DLGAP1: variants seen among roughly 807,000 people sequenced by gnomAD.
The protein encoded by DLGAP1 is DLG associated protein 1.
A neutral mutation model predicts 90.8 loss-of-function variants in DLGAP1; 11 were observed. That is an observed-to-expected ratio of 0.12 (90% CI 0.08 to 0.20). The LOEUF (loss-of-function observed/expected upper bound fraction) is 0.20. Among genes scored for constraint, DLGAP1 ranks in the 10% least tolerant of loss-of-function variants. The probability of loss-of-function intolerance (pLI) is 1.00; values close to 1 mark genes in which losing one functional copy is unlikely to be tolerated. For synonymous variants in DLGAP1, 558 were observed against 540.7 expected, an observed-to-expected ratio of 1.03 and a Z score of -0.44; for missense variants, 1,050 against 1,333.8, an observed-to-expected ratio of 0.79 and a Z score of 3.31.
At chr18:4,045,199 A>AC (rs1419613257) in intron 2 of DLGAP1, among the ~76,000 whole-genome samples, 2 of 151,592 alleles carry the variant, frequency 1.3e-5, no homozygotes, top group African/African-American at 2.4e-5. Context: ...CTCGACTTTC[A>AC]CCTTTCTTGC....
At chr18:4,214,672 A>G (rs2144915699) in intron 1 of DLGAP1, among the ~76,000 whole-genome samples, 1 of 152,330 alleles carries the variant, frequency 6.6e-6, no homozygotes, top group Middle Eastern at 3.4e-3. Context: ...CCTCCTTAAC[A>G]TAATTGCAAA....
chr18:3,721,650 T>C (rs892174217), intron 7 of DLGAP1: 5 of 152,170 alleles, frequency 3.3e-5, no homozygotes, highest in Non-Finnish European at 7.4e-5. Context: ...ATTTCAAATA[T>C]GGCAGGAAGC....
At chr18:4,008,606 C>A (rs1256280190) in intron 2 of DLGAP1, among the ~76,000 whole-genome samples, 1 of 152,106 alleles carries the variant, frequency 6.6e-6, no homozygotes, top group East Asian at 1.9e-4. Flanking sequence ...TCATGCCTAG[C>A]AATTTTGAAC....
chr18:3,751,782 C>G (rs181253135), intron 5 of DLGAP1, among the ~76,000 whole-genome samples: 1 of 151,834 alleles, frequency 6.6e-6, no homozygotes, highest in Non-Finnish European at 1.5e-5. Flanking sequence ...CCAGGCTGGT[C>G]TCAAACTCCT....
intron 5 of DLGAP1, among the ~76,000 whole-genome samples, chr18:3,773,602 C>A (rs535219681): frequency 6.6e-6 from 1 of 152,122 alleles, no homozygotes; most frequent in Admixed American, 6.5e-5. Flanking sequence ...AAAACAAGAA[C>A]TGGCAGAGCA....
chr18:4,327,113 T>C (rs906878110), intron 1 of DLGAP1, among the ~76,000 whole-genome samples: 11 of 151,958 alleles, frequency 7.2e-5, no homozygotes, highest in African/African-American at 2.7e-4. Flanking sequence ...AATTTTCGAT[T>C]AGACATAGAA....
rs535132759 is a variant in DLGAP1 at position 4,033,595 on chromosome 18, A to G, written c.-158-28394T>C. Among the ~76,000 whole-genome samples the G allele has an allele frequency of 2.8e-4, 43 of 152,362 alleles. No individual in the cohort carries two copies. The South Asian group carries it at 6.2e-3, about 22-fold the overall frequency. On this transcript the variant is annotated intron_variant, in intron 2 of 12. Coordinates refer to ENST00000315677, the MANE Select transcript of DLGAP1 (RefSeq NM_004746.4). The stretch of plus-strand genomic sequence containing the variant: ...GGCTCACCACATTTACATTCCTGCC[A>G]GCAATGTAGAGCATATGCATTTTCT...
rs1179563485 is a variant in DLGAP1 at position 3,741,327 on chromosome 18, CCAT to C, written c.1350+1005_1350+1007del. Among the ~76,000 whole-genome samples, 618 of 136,340 alleles carry C rather than the reference CCAT, an allele frequency of 4.5e-3. 14 individuals carry two copies. The highest frequency in any genetic ancestry group is 0.018 in the African/African-American group (571 of 31,668). 89.4% of individuals were successfully genotyped at this position (136,340 alleles called of 152,430 possible). A position where few individuals can be genotyped will look rare whatever the true frequency, so the allele number is the denominator to read the frequency against. On this transcript the variant is annotated intron_variant, in intron 6 of 12. Coordinates refer to ENST00000315677, the MANE Select transcript of DLGAP1 (RefSeq NM_004746.4). ...CATCACATCACCACCACCACCACCA[CCAT>C]CACCACCACCACCACCACCACCACC...
intron 1 of DLGAP1, among the ~76,000 whole-genome samples, chr18:4,237,769 G>A (rs150009661): frequency 4.6e-5 from 7 of 151,798 alleles, no homozygotes; most frequent in Middle Eastern, 3.4e-3. Flanking sequence ...CAGTGACAGC[G>A]GGAATTATTG....
chr18:3,950,931 C>T (rs1039645965), intron 3 of DLGAP1, among the ~76,000 whole-genome samples: 4 of 152,160 alleles, frequency 2.6e-5, no homozygotes, highest in African/African-American at 9.7e-5. Context: ...TATCTATGGT[C>T]AAGGAATGAC....
intron 5 of DLGAP1, among the ~76,000 whole-genome samples, chr18:3,783,290 T>C (rs1410474336): frequency 6.6e-6 from 1 of 152,192 alleles, no homozygotes; most frequent in Non-Finnish European, 1.5e-5. Flanking sequence ...CCAGCAATTC[T>C]GCTCCTAGCT....
intron 4 of DLGAP1, among the ~76,000 whole-genome samples, chr18:3,852,772 T>C (rs959852252): frequency 6.6e-6 from 1 of 152,210 alleles, no homozygotes; most frequent in Non-Finnish European, 1.5e-5. Context: ...TTTTATCCTT[T>C]AATCTTTAAG....
At chr18:3,502,272 C>T (rs2049979524) in intron 12 of DLGAP1, 1 of 1,332,638 alleles carries the variant, frequency 7.5e-7, no homozygotes, top group Non-Finnish European at 9.6e-7. Context: ...TCCCATTTTC[C>T]AATTCACAAA....
chr18:4,152,055 G>A (rs2076683309), intron 1 of DLGAP1, among the ~76,000 whole-genome samples: 1 of 152,148 alleles, frequency 6.6e-6, no homozygotes, highest in Non-Finnish European at 1.5e-5. Flanking sequence ...TATGAAGGAG[G>A]TAACTATTCC....
intron 2 of DLGAP1, among the ~76,000 whole-genome samples, chr18:4,122,661 C>T (rs2076171406): frequency 6.6e-6 from 1 of 152,116 alleles, no homozygotes. Context: ...TGGTAAGAGA[C>T]CATCCAGAGA....
chr18:3,656,643 C>T (rs961205713), intron 7 of DLGAP1, among the ~76,000 whole-genome samples: 7 of 152,132 alleles, frequency 4.6e-5, no homozygotes, highest in South Asian at 2.1e-4. Flanking sequence ...TCAGCTCCCT[C>T]AAGTCAGAGA....
At chr18:3,915,906 T>C (rs903852306) in intron 3 of DLGAP1, among the ~76,000 whole-genome samples, 1 of 152,164 alleles carries the variant, frequency 6.6e-6, no homozygotes, top group Non-Finnish European at 1.5e-5. Flanking sequence ...TAGATGGTAG[T>C]TCTATTTTTA....
Position 3,879,651 on chromosome 18 carries a change from G to T in DLGAP1, c.418C>A (p.His140Asn). 6.2e-7 allele frequency: 1 copy of T among 1,605,750 alleles called. No individual in the cohort carries two copies. ...AGCTTCTGGACCGAGTGCACCAGGT[G>T]GCGGATGCGGCCGGGGCTGTCGCTG... ...HRSDSPGRIR[H>N]LVHSVQKLFT... Residue 140 changes from histidine (H) to asparagine (N), a missense_variant, in exon 4 of 13, where the codon CAC becomes AAC. Coordinates refer to ENST00000315677, the MANE Select transcript of DLGAP1 (RefSeq NM_004746.4). This position sits in a 1 kb window ranked among gnomAD's most constrained non-coding sequence, Gnocchi z 6.6.
chr18:4,163,123 A>G (rs546392908), intron 1 of DLGAP1, among the ~76,000 whole-genome samples: 1 of 152,248 alleles, frequency 6.6e-6, no homozygotes, highest in South Asian at 2.1e-4. Flanking sequence ...CCCAAGATAT[A>G]GTTTAATGTT....
Sources: gnomAD v4.1 joint callset for allele counts (sites outside exome capture counted in the v4.1 genomes callset) on GRCh38, gnomAD v4.1.1 for gene constraint, Gnocchi (gnomAD v3.1) non-coding constraint, MANE v1.5 for transcripts, NCBI Gene and HGNC (gene_info 2026-07-23, HGNC 2026-07-21) for gene names.